Variants in CNGA4 observed in about 807,000 individuals in gnomAD.
CNGA4 encodes the protein cyclic nucleotide-gated channel alpha-4.
CNGA4 carries 32 observed loss-of-function variants against 45.6 expected under a neutral mutation model. The observed-to-expected ratio is 0.70, with a 90% confidence interval of 0.53 to 0.94. The LOEUF is 0.94. CNGA4 is among the 40% of genes least tolerant of loss of function. The pLI is 0.00. For missense variants in CNGA4, 726 were observed against 755.1 expected (o/e 0.96, Z 0.45); for synonymous variants, 293 against 304.6 (o/e 0.96, Z 0.40).
chr11:6,240,190 G>C lies in CNGA4; in HGVS notation c.396G>C (p.Leu132=), dbSNP rs1209108555. The change falls in exon 4 of 6, where the codon CTG becomes CTC. Residue 132 remains leucine (L), a synonymous_variant. Transcript: ENST00000379936. This position sits in a 1 kb window ranked among gnomAD's most constrained non-coding sequence, Gnocchi z 4.9. The part of the protein sequence containing the change: ...LMPTDVVYVR[L]GPHTPTLRLN... ...CCACAGATGTGGTCTACGTGCGGCTGGGCCCGCACACACCCACCCTGAGGC... is the reference window on the plus strand; with the variant it reads ...CCACAGATGTGGTCTACGTGCGGCTCGGCCCGCACACACCCACCCTGAGGC... 6.2e-7 allele frequency: 1 copy of C among 1,614,210 alleles called. No individual in the cohort carries two copies. The highest frequency in any genetic ancestry group is 8.5e-7 in the Non-Finnish European group (1 of 1,180,044).
intron 4 of CNGA4, 48 bp from the exon 5 acceptor site, chr11:6,241,383 C>A: frequency 7.0e-7 from 1 of 1,437,696 alleles, no homozygotes. Flanking sequence ...GGGATGGAGG[C>A]AGGCACATAA....
intron 5 of CNGA4, 119 bp downstream of exon 5, chr11:6,241,899 CCCTT>C (rs778897161): frequency 1.8e-5 from 16 of 870,182 alleles, no homozygotes; most frequent in African/African-American, 1.2e-4. Flanking sequence ...GGAAACCTGG[CCCTT>C]CTCTGAGTCA....
In CNGA4 at chr11:6,239,458, T is replaced by G. The variant is rs778410133; in HGVS notation, c.137T>G (p.Met46Arg). 2 of 1,614,134 alleles carry G rather than the reference T, an allele frequency of 1.2e-6. No individual in the cohort carries two copies. The highest frequency in any genetic ancestry group is 1.7e-6 in the Non-Finnish European group (2 of 1,180,020). ...WWLNTMVFPV[M>R]YNLIILVCRA... ...CTGAACACAATGGTCTTCCCAGTCA[T>G]GTATAACCTCATCATCCTCGTGTGC... Residue 46 changes from methionine (M) to arginine (R), a missense_variant, in exon 2 of 6, where the codon ATG becomes AGG. Coordinates refer to ENST00000379936, the MANE Select transcript of CNGA4 (RefSeq NM_001037329.4).
chr11:6,240,191 G>A lies in CNGA4; in HGVS notation c.397G>A (p.Gly133Ser), dbSNP rs140824375. ...MPTDVVYVRL[G>S]PHTPTLRLNR... ...CACAGATGTGGTCTACGTGCGGCTG[G>A]GCCCGCACACACCCACCCTGAGGCT... Residue 133 changes from glycine to serine, a missense_variant, in exon 4 of 6, where the codon GGC becomes AGC. By Grantham distance (56) the Gly-to-Ser change is moderately conservative. Transcript: ENST00000379936. The surrounding 1 kb of genome is among the most constrained non-coding windows in gnomAD (Gnocchi z 4.9). The A allele has an allele frequency of 1.8e-4, 291 of 1,614,188 alleles. 1 individual carries two copies. In the African/African-American group the frequency reaches 2.8e-3, roughly 16 times the overall value.
chr11:6,241,318 T>C, intron 4 of CNGA4, 113 bp from the exon 5 acceptor site: 1 of 826,466 alleles, frequency 1.2e-6, no homozygotes, highest in Non-Finnish European at 2.0e-6. Context: ...ATGACCCCTG[T>C]TAGATCTCAG....
At chr11:6,235,194 C>T (rs1170762698), upstream of CNGA4, among the ~76,000 whole-genome samples, 1 of 152,108 alleles carries the variant, frequency 6.6e-6, no homozygotes. Flanking sequence ...AAAGTGGAGC[C>T]CTAGAGAGGG....
upstream of CNGA4, chr11:6,235,466 C>T: frequency 1.0e-6 from 1 of 985,228 alleles, no homozygotes; most frequent in Non-Finnish European, 1.2e-6. Context: ...CTACGGGGGC[C>T]ACCTAGGAGC....
At position 6,240,334 on chromosome 11, in the gene CNGA4, C is replaced by G. The variant is rs749864816; in HGVS notation, c.540C>G (p.Ile180Met). Residue 180 changes from isoleucine to methionine, a missense_variant, in exon 4 of 6, where the codon ATC becomes ATG. By Grantham distance (10) the Ile-to-Met change is conservative. Coordinates refer to ENST00000379936, the MANE Select transcript of CNGA4 (RefSeq NM_001037329.4). This position sits in a 1 kb window ranked among gnomAD's most constrained non-coding sequence, Gnocchi z 4.9. ...AKLMLYIFVVIHWNSCLYFAL... is the reference protein window; with the variant it reads ...AKLMLYIFVVMHWNSCLYFAL... The stretch of plus-strand genomic sequence containing the variant: ...TGATGCTTTACATTTTTGTCGTCAT[C>G]CATTGGAACAGCTGCCTATACTTTG... 2 of 1,614,200 alleles carry G rather than the reference C, an allele frequency of 1.2e-6. No homozygotes were observed. The highest frequency in any genetic ancestry group is 1.7e-6 in the Non-Finnish European group (2 of 1,180,034).
upstream of CNGA4, among the ~76,000 whole-genome samples, chr11:6,237,957 G>A (rs775925745): frequency 7.9e-5 from 12 of 152,066 alleles, no homozygotes; most frequent in Non-Finnish European, 1.3e-4. Flanking sequence ...ACCACTACCC[G>A]CTAGGCCCTC....
Position 6,240,334 on chromosome 11 carries a change from C to T in CNGA4, c.540C>T (p.Ile180=). Residue 180 remains isoleucine, a synonymous_variant, in exon 4 of 6, where the codon ATC becomes ATT. Coordinates refer to ENST00000379936, the MANE Select transcript of CNGA4 (RefSeq NM_001037329.4). This position sits in a 1 kb window ranked among gnomAD's most constrained non-coding sequence, Gnocchi z 4.9. ...AKLMLYIFVV[I]HWNSCLYFAL... The stretch of plus-strand genomic sequence containing the variant: ...TGATGCTTTACATTTTTGTCGTCAT[C>T]CATTGGAACAGCTGCCTATACTTTG... The T allele has an allele frequency of 6.2e-7, 1 of 1,614,198 alleles. No individual in the cohort carries two copies. The highest frequency in any genetic ancestry group is 8.5e-7 in the Non-Finnish European group (1 of 1,180,032).
At chr11:6,238,972 A>G (rs183873514), upstream of CNGA4, 4 of 1,266,470 alleles carry the variant, frequency 3.2e-6, no homozygotes, top group East Asian at 1.1e-4. Flanking sequence ...TTAGCTGGGC[A>G]GGTGTAAGCC....
chr11:6,244,195 A>G lies in CNGA4; in HGVS notation c.1514A>G (p.Asp505Gly), dbSNP rs755783930. 6.2e-7 allele frequency: 1 copy of G among 1,614,224 alleles called. No homozygotes were observed. Among genetic ancestry groups the G allele is most frequent in the South Asian group, 1.1e-5 (1 of 91,090 alleles). Residue 505 changes from aspartate (D) to glycine (G), a missense_variant, in exon 6 of 6, where the codon GAT becomes GGT. Transcript: ENST00000379936. This position sits in a 1 kb window ranked among gnomAD's most constrained non-coding sequence, Gnocchi z 4.5. ...CTACGAGGCCTAGACCAGCAGCTGGATGATCTACAGACCAAGTTTGCTCGC... is the reference window on the plus strand; with the variant it reads ...CTACGAGGCCTAGACCAGCAGCTGGGTGATCTACAGACCAAGTTTGCTCGC... The part of the protein sequence containing the change: ...SRLRGLDQQL[D>G]DLQTKFARLL...
chr11:6,235,871 G>A (rs755329732), upstream of CNGA4, among the ~76,000 whole-genome samples: 26 of 151,858 alleles, frequency 1.7e-4, no homozygotes, highest in Non-Finnish European at 1.0e-4. Flanking sequence ...CCCGGGAGGC[G>A]GAGGTTGCAG....
At position 6,241,528 on chromosome 11, in the gene CNGA4, C is replaced by A; in HGVS notation, c.1015C>A (p.His339Asn). ...GCGGGCAGAAGTGGCTGTGTCTGTG[C>A]ACCTGTCCACTCTGAGCCGGGTGCA... ...RLRAEVAVSV[H>N]LSTLSRVQIF... Residue 339 changes from histidine to asparagine, a missense_variant, in exon 5 of 6, where the codon CAC becomes AAC. Transcript: ENST00000379936. 6.2e-7 allele frequency: 1 copy of A among 1,614,172 alleles called. No homozygotes were observed.
chr11:6,236,560 G>A (rs1019800518), upstream of CNGA4, among the ~76,000 whole-genome samples: 22 of 152,208 alleles, frequency 1.4e-4, no homozygotes, highest in African/African-American at 5.1e-4. Flanking sequence ...TTCAAAAACA[G>A]GTAAAACTAA....
chr11:6,239,188 A>G lies in CNGA4; in HGVS notation c.-19A>G, dbSNP rs749705965. The G allele has an allele frequency of 3.1e-6, 5 of 1,612,986 alleles. No individual in the cohort carries two copies. Among genetic ancestry groups the G allele is most frequent in the Non-Finnish European group, 2.5e-6 (3 of 1,180,010 alleles). ...AGAGGGTGTGGACATCTCACACCCCAGCACCAGACCACAGAACCATGAGCC... is the reference window on the plus strand; with the variant it reads ...AGAGGGTGTGGACATCTCACACCCCGGCACCAGACCACAGAACCATGAGCC... On this transcript the variant is annotated 5_prime_UTR_variant, in exon 1 of 6. Coordinates refer to ENST00000379936, the MANE Select transcript of CNGA4 (RefSeq NM_001037329.4).
chr11:6,240,726 T>A lies in CNGA4; in HGVS notation c.917+15T>A, dbSNP rs1252746627. 1.2e-6 allele frequency: 2 copies of A among 1,606,504 alleles called. No homozygotes were observed. Among genetic ancestry groups the A allele is most frequent in the Non-Finnish European group, 1.7e-6 (2 of 1,175,716 alleles). ...GTTATTGACTGGTGAGAAGGCGGGGTTCCAGACCAGGACAGGGACCAGTGT... is the reference window on the plus strand; with the variant it reads ...GTTATTGACTGGTGAGAAGGCGGGGATCCAGACCAGGACAGGGACCAGTGT... On this transcript the variant is annotated intron_variant, in intron 4 of 5. Coordinates refer to ENST00000379936, the MANE Select transcript of CNGA4 (RefSeq NM_001037329.4). The surrounding 1 kb of genome is among the most constrained non-coding windows in gnomAD (Gnocchi z 4.9).
At chr11:6,235,898 C>G (rs886625925), upstream of CNGA4, among the ~76,000 whole-genome samples, 6 of 150,726 alleles carry the variant, frequency 4.0e-5, no homozygotes, top group African/African-American at 1.5e-4. Context: ...GAGATCGCAC[C>G]ACTGCATTCC....
At chr11:6,235,565 A>G, upstream of CNGA4, 2 of 983,392 alleles carry the variant, frequency 2.0e-6, no homozygotes, top group Non-Finnish European at 2.4e-6. Context: ...GACGGTGTCT[A>G]AGCCGAGTCT....
Sources: allele counts gnomAD v4.1 joint callset (sites outside exome capture counted in the v4.1 genomes callset), GRCh38; gene constraint gnomAD v4.1.1; non-coding constraint Gnocchi (gnomAD v3.1); transcripts MANE v1.5; gene names NCBI Gene and HGNC (gene_info 2026-07-23, HGNC 2026-07-21).